RPS6KC1: variants seen among roughly 807,000 people sequenced by gnomAD.
The protein encoded by RPS6KC1 is inactive ribosomal protein S6 kinase delta-1.
A neutral mutation model predicts 103.8 loss-of-function variants in RPS6KC1; 54 were observed. The ratio of observed to expected loss-of-function variants is 0.52; its 90% CI spans 0.42 to 0.65. The LOEUF is 0.65. RPS6KC1 is among the 30% of genes least tolerant of loss of function. RPS6KC1 has a pLI of 0.00. For missense variants in RPS6KC1, 1,151 were observed against 1,253.8 expected, an observed-to-expected ratio of 0.92 and a Z score of 1.24; for synonymous variants, 439 against 438.7, an observed-to-expected ratio of 1.00 and a Z score of -0.01.
intron 1 of RPS6KC1, among the ~76,000 whole-genome samples, chr1:213,057,296 G>C (rs905022413): frequency 4.6e-5 from 7 of 152,132 alleles, no homozygotes; most frequent in African/African-American, 1.4e-4. Context: ...TTGGACTATA[G>C]TAGGGATTTC....
intron 6 of RPS6KC1, among the ~76,000 whole-genome samples, chr1:213,148,478 T>A (rs749031801): frequency 3.3e-5 from 5 of 152,202 alleles, no homozygotes; most frequent in African/African-American, 7.2e-5. Context: ...AGGTTTCACA[T>A]TGATTGATTT....
the RPS6KC1 span, among the ~76,000 whole-genome samples, chr1:213,861,840 C>T: frequency 6.6e-6 from 1 of 152,168 alleles, no homozygotes; most frequent in African/African-American, 2.4e-5. Flanking sequence ...TCTGCCCTGC[C>T]GGTGTTTGAC....
chr1:213,546,511 T>C, the RPS6KC1 span: 1 of 152,214 alleles, frequency 6.6e-6, no homozygotes, highest in African/African-American at 2.4e-5. Context: ...GATGTGGCTG[T>C]ACCCAACATA....
the RPS6KC1 span, among the ~76,000 whole-genome samples, chr1:213,758,373 T>C: frequency 6.6e-6 from 1 of 151,910 alleles, no homozygotes; most frequent in Non-Finnish European, 1.5e-5. Flanking sequence ...AGGTCAGGAG[T>C]TCGAGACCAG....
At chr1:213,068,829 T>C (rs988410306) in intron 1 of RPS6KC1, among the ~76,000 whole-genome samples, 8 of 147,758 alleles carry the variant, frequency 5.4e-5, no homozygotes, top group African/African-American at 1.3e-4. Context: ...CTGGGCAACA[T>C]AGGGAGACCC....
At chr1:213,566,459 T>TGGATA in the RPS6KC1 span, among the ~76,000 whole-genome samples, 2 of 33,624 alleles carry the variant, frequency 5.9e-5, no homozygotes, top group African/African-American at 1.6e-4. Context: ...TTTTTTTTTT[T>TGGATA]TTTTTTTTTT....
the RPS6KC1 span, among the ~76,000 whole-genome samples, chr1:213,833,713 G>A: frequency 3.3e-5 from 5 of 152,114 alleles, no homozygotes; most frequent in Non-Finnish European, 7.3e-5. Flanking sequence ...ACACCCTGGC[G>A]CTACTCTGCA....
At chr1:213,319,071 C>G in the RPS6KC1 span, among the ~76,000 whole-genome samples, 1 of 152,228 alleles carries the variant, frequency 6.6e-6, no homozygotes, top group African/African-American at 2.4e-5. Context: ...TTTGGGAGGC[C>G]AAGGTGGGTG....
chr1:213,836,060 G>GA, the RPS6KC1 span: 6 of 151,516 alleles, frequency 4.0e-5, no homozygotes, highest in African/African-American at 1.5e-4. Flanking sequence ...TATACCTGGA[G>GA]AAAAAGGAGT....
chr1:213,415,551 G>C, the RPS6KC1 span, among the ~76,000 whole-genome samples: 1 of 152,204 alleles, frequency 6.6e-6, no homozygotes, highest in Non-Finnish European at 1.5e-5. Flanking sequence ...CTGCCCTTGG[G>C]CAGCTTCACT....
chr1:213,068,206 C>T (rs982606904), intron 1 of RPS6KC1, among the ~76,000 whole-genome samples: 1 of 152,000 alleles, frequency 6.6e-6, no homozygotes, highest in African/African-American at 2.4e-5. Context: ...GTAAGAACGG[C>T]GGGGCGCAGT....
At chr1:213,481,908 G>A in the RPS6KC1 span, among the ~76,000 whole-genome samples, 3 of 152,158 alleles carry the variant, frequency 2.0e-5, no homozygotes, top group African/African-American at 7.2e-5. Context: ...TCTCATGAAT[G>A]GTTTGGCACC....
At chr1:213,544,640 C>G in the RPS6KC1 span, among the ~76,000 whole-genome samples, 1 of 152,140 alleles carries the variant, frequency 6.6e-6, no homozygotes. Flanking sequence ...ATACTTTGTC[C>G]TGGGTTCTGA....
chr1:213,403,189 C>T, the RPS6KC1 span, among the ~76,000 whole-genome samples: 1 of 152,068 alleles, frequency 6.6e-6, no homozygotes, highest in South Asian at 2.1e-4. Context: ...AAGAAGCTGG[C>T]TATCTTGTGT....
the RPS6KC1 span, among the ~76,000 whole-genome samples, chr1:213,752,049 T>C: frequency 3.2e-4 from 48 of 152,226 alleles, no homozygotes; most frequent in Admixed American, 1.2e-3. Flanking sequence ...TGGGTTATTG[T>C]GAGTTTTAAG....
the RPS6KC1 span, among the ~76,000 whole-genome samples, chr1:213,286,673 C>G: frequency 6.6e-6 from 1 of 152,158 alleles, no homozygotes; most frequent in African/African-American, 2.4e-5. Context: ...TAAAACTATT[C>G]CAGCTACAGA....
chr1:213,054,314 G>A (rs1312701153), intron 1 of RPS6KC1, among the ~76,000 whole-genome samples: 2 of 152,064 alleles, frequency 1.3e-5, no homozygotes, highest in South Asian at 2.1e-4. Context: ...TTTTCTTCCC[G>A]TAAATATTTA....
chr1:213,748,500 C>A, the RPS6KC1 span, among the ~76,000 whole-genome samples: 2 of 152,150 alleles, frequency 1.3e-5, no homozygotes, highest in Non-Finnish European at 2.9e-5. Context: ...CCTCTGATAT[C>A]CTCATTGTAA....
intron 12 of RPS6KC1, among the ~76,000 whole-genome samples, chr1:213,253,382 C>T (rs1209187967): frequency 1.3e-5 from 2 of 152,098 alleles, no homozygotes; most frequent in African/African-American, 4.8e-5. Context: ...TATCAGATTT[C>T]CTTATTAAGC....
Sources: allele counts gnomAD v4.1 joint callset (sites outside exome capture counted in the v4.1 genomes callset), GRCh38; gene constraint gnomAD v4.1.1; transcripts MANE v1.5; gene names NCBI Gene and HGNC (gene_info 2026-07-23, HGNC 2026-07-21).